The following CHRM5 variants were observed in gnomAD, a reference collection of about 807,000 sequenced individuals.
The protein encoded by CHRM5 is cholinergic receptor muscarinic 5.
CHRM5 carries 18 observed loss-of-function variants against 39.0 expected under a neutral mutation model. That is an observed-to-expected ratio of 0.46 (90% CI 0.32 to 0.68). CHRM5 has a LOEUF of 0.68. CHRM5 is among the 30% of genes least tolerant of loss of function. The pLI is 0.04. For synonymous variants in CHRM5, 241 were observed against 246.3 expected, an observed-to-expected ratio of 0.98 and a Z score of 0.20; for missense variants, 515 against 651.1, an observed-to-expected ratio of 0.79 and a Z score of 2.28.
chr15:34,008,945 T>TGCGC lies in CHRM5; in HGVS notation c.-407-37588_-407-37585dup, dbSNP rs71119911. Reference sequence around the variant, plus strand: ...TAAAATTAAAACACACACTCACACGTGCGCGCGCGCACACACACACACACA... The same window carrying TGCGC: ...TAAAATTAAAACACACACTCACACGTGCGCGCGCGCGCGCACACACACACACACA... On this transcript the variant is annotated intron_variant, in intron 1 of 2. Transcript: ENST00000383263. Among the ~76,000 whole-genome samples, 16 of 149,028 alleles carry TGCGC rather than the reference T, an allele frequency of 1.1e-4. No homozygotes were observed. The East Asian group carries it at 1.4e-3, about 13-fold the overall frequency.
chr15:34,039,736 A>T (rs1899386738), intron 1 of CHRM5, among the ~76,000 whole-genome samples: 1 of 152,182 alleles, frequency 6.6e-6, no homozygotes. Flanking sequence ...TACAGCTGAC[A>T]TTTATTGAGC....
At chr15:34,024,236 AAAGG>A (rs1374441099) in intron 1 of CHRM5, among the ~76,000 whole-genome samples, 1 of 152,218 alleles carries the variant, frequency 6.6e-6, no homozygotes. Context: ...AAACAACAAA[AAAGG>A]AATACTTTAT....
intron 1 of CHRM5, among the ~76,000 whole-genome samples, chr15:34,029,782 G>T (rs1339064639): frequency 6.6e-6 from 1 of 152,106 alleles, no homozygotes; most frequent in Non-Finnish European, 1.5e-5. Context: ...ATCTGTAATA[G>T]GGATTAAGAC....
chr15:34,021,533 G>A (rs1043624153), intron 1 of CHRM5, among the ~76,000 whole-genome samples: 6 of 152,142 alleles, frequency 3.9e-5, no homozygotes, highest in African/African-American at 9.6e-5. Context: ...GAGCCACCGC[G>A]CCTGGCTTAT....
intron 1 of CHRM5, among the ~76,000 whole-genome samples, chr15:34,043,164 G>A (rs986004957): frequency 1.3e-5 from 2 of 151,164 alleles, no homozygotes; most frequent in East Asian, 2.0e-4. Flanking sequence ...GGAGAATGGC[G>A]TGAACCTGGG....
chr15:33,975,102 T>A (rs773734292), intron 1 of CHRM5, among the ~76,000 whole-genome samples: 3 of 152,238 alleles, frequency 2.0e-5, no homozygotes, highest in Non-Finnish European at 4.4e-5. Flanking sequence ...TCTGCCCTGG[T>A]TGGGTTGAGA....
At chr15:34,014,132 A>G (rs538549403) in intron 1 of CHRM5, among the ~76,000 whole-genome samples, 127 of 152,234 alleles carry the variant, frequency 8.3e-4, no homozygotes, top group African/African-American at 2.8e-3. Flanking sequence ...GGAGGCCAAC[A>G]TGGGCGGATC....
intron 1 of CHRM5, among the ~76,000 whole-genome samples, chr15:33,983,056 A>C (rs946651408): frequency 6.6e-6 from 1 of 151,764 alleles, no homozygotes; most frequent in Non-Finnish European, 1.5e-5. Flanking sequence ...GGTTTTTCTG[A>C]GCAACGGATT....
chr15:33,979,642 C>G (rs147301169), intron 1 of CHRM5, among the ~76,000 whole-genome samples: 1 of 152,176 alleles, frequency 6.6e-6, no homozygotes, highest in East Asian at 1.9e-4. Context: ...AGATTTGGAC[C>G]AAATGTTATC....
intron 1 of CHRM5, among the ~76,000 whole-genome samples, chr15:34,008,320 C>G (rs1424762578): frequency 6.6e-6 from 1 of 151,664 alleles, no homozygotes; most frequent in East Asian, 2.0e-4. Flanking sequence ...ACTCAGGAGG[C>G]TGAGGTGATA....
intron 1 of CHRM5, among the ~76,000 whole-genome samples, chr15:34,035,915 C>G (rs1013749494): frequency 2.0e-5 from 3 of 152,248 alleles, no homozygotes; most frequent in South Asian, 2.1e-4. Flanking sequence ...GCTGCTTCAG[C>G]CTCCCTTGTA....
intron 1 of CHRM5, among the ~76,000 whole-genome samples, chr15:34,017,954 A>T (rs1898018048): frequency 6.6e-6 from 1 of 152,212 alleles, no homozygotes; most frequent in African/African-American, 2.4e-5. Context: ...CTGTGGCGAT[A>T]CTGATGTAAA....
chr15:33,984,899 C>T (rs984863193), intron 1 of CHRM5, among the ~76,000 whole-genome samples: 1 of 151,890 alleles, frequency 6.6e-6, no homozygotes, highest in South Asian at 2.1e-4. Flanking sequence ...TGTGCCATGT[C>T]CTGTGTCATA....
chr15:33,969,998 T>C (rs796160546), intron 1 of CHRM5, among the ~76,000 whole-genome samples: 5 of 152,008 alleles, frequency 3.3e-5, no homozygotes, highest in East Asian at 1.9e-4. Context: ...CCCAACCACA[T>C]TGGTTTTCAT....
rs1423763621 is a variant in CHRM5 at position 34,066,968 on chromosome 15, T to C, written c.*2652T>C. 6.6e-6 allele frequency: 1 copy of C among 152,154 alleles called. No homozygotes were observed. Among genetic ancestry groups the C allele is most frequent in the Admixed American group, 6.6e-5 (1 of 15,262 alleles). The allele number at this position is 152,154 out of a possible 1,614,324, so 9.4% of individuals were successfully genotyped here. A position where few individuals can be genotyped will look rare whatever the true frequency, so the allele number is the denominator to read the frequency against. On this transcript the variant is annotated 3_prime_UTR_variant, in exon 3 of 3. Transcript: ENST00000383263. Reference sequence around the variant, plus strand: ...CTAGACTTCTATAGAATAGCGGCTTTAGTGGGGTCCTCAGAATGAATAGAC... The same window carrying C: ...CTAGACTTCTATAGAATAGCGGCTTCAGTGGGGTCCTCAGAATGAATAGAC...
At chr15:34,036,652 A>C (rs35531038) in intron 1 of CHRM5, among the ~76,000 whole-genome samples, 22,537 of 152,226 alleles carry the variant, frequency 0.15, 2,080 homozygotes, top group Middle Eastern at 0.27. Context: ...AAATTAAGGA[A>C]CAATCTGCCC....
At chr15:34,048,989 AAAAC>A (rs1327016136) in intron 2 of CHRM5, among the ~76,000 whole-genome samples, 2 of 152,220 alleles carry the variant, frequency 1.3e-5, no homozygotes, top group Admixed American at 6.5e-5. Context: ...TGTTAAAAGA[AAAAC>A]AAACAAACAG....
At chr15:34,051,586 C>T (rs1013428109) in intron 2 of CHRM5, among the ~76,000 whole-genome samples, 2 of 150,674 alleles carry the variant, frequency 1.3e-5, no homozygotes, top group African/African-American at 2.5e-5. Flanking sequence ...AATAGATAAA[C>T]CACTAATTAG....
rs114062440 is a variant in CHRM5 at position 34,010,666 on chromosome 15, G to A, written c.-407-35874G>A. On this transcript the variant is annotated intron_variant, in intron 1 of 2. Coordinates refer to ENST00000383263, the MANE Select transcript of CHRM5 (RefSeq NM_012125.4). Reference sequence around the variant, plus strand: ...GTGAATAGGTAGAATAGAAAGAAATGAGAAAGAACACATTTAAGGAAACCC... The same window carrying A: ...GTGAATAGGTAGAATAGAAAGAAATAAGAAAGAACACATTTAAGGAAACCC... 9.0e-3 allele frequency among the ~76,000 whole-genome samples: 1,376 copies of A among 152,218 alleles called. 29 individuals are homozygous for A. The highest frequency in any genetic ancestry group is 0.03 in the South Asian group (144 of 4,824).
Sources: allele counts gnomAD v4.1 joint callset (sites outside exome capture counted in the v4.1 genomes callset), GRCh38; gene constraint gnomAD v4.1.1; transcripts MANE v1.5; gene names NCBI Gene and HGNC (gene_info 2026-07-23, HGNC 2026-07-21).